The following LHFPL3 variants were observed in gnomAD, a reference collection of about 807,000 sequenced individuals.
LHFPL3 encodes LHFPL tetraspan subfamily member 3 protein.
In LHFPL3, 5 loss-of-function variants were observed where a neutral mutation model predicts 19.3. The ratio of observed to expected loss-of-function variants is 0.26; its 90% CI spans 0.14 to 0.54. The LOEUF (loss-of-function observed/expected upper bound fraction) is 0.54. LHFPL3 is among the 20% of genes least tolerant of loss of function. LHFPL3 has a pLI of 0.94. For missense variants in LHFPL3, 249 were observed against 307.4 expected (o/e 0.81, Z 1.42); for synonymous variants, 133 against 126.2 (o/e 1.05, Z -0.36).
chr7:104,356,788 T>G (rs374387286), intron 1 of LHFPL3, among the ~76,000 whole-genome samples: 2 of 151,972 alleles, frequency 1.3e-5, no homozygotes, highest in Non-Finnish European at 2.9e-5. Flanking sequence ...ACCCAGATAA[T>G]GAGAATCAAG....
chr7:104,696,220 G>C (rs1792993833), intron 1 of LHFPL3, among the ~76,000 whole-genome samples: 1 of 152,194 alleles, frequency 6.6e-6, no homozygotes, highest in African/African-American at 2.4e-5. Flanking sequence ...GGAGTGCTGG[G>C]TCTACAGGCG....
intron 1 of LHFPL3, among the ~76,000 whole-genome samples, chr7:104,714,874 T>G (rs6953599): frequency 0.41 from 62,340 of 151,962 alleles, 13,450 homozygotes; most frequent in East Asian, 0.7. Context: ...AGGGATGCGT[T>G]TGTGTGTGTG....
At chr7:104,612,126 A>C (rs1402873451) in intron 1 of LHFPL3, among the ~76,000 whole-genome samples, 1 of 152,202 alleles carries the variant, frequency 6.6e-6, no homozygotes, top group Non-Finnish European at 1.5e-5. Flanking sequence ...TAAGGGACAT[A>C]ATTACTTAAA....
intron 1 of LHFPL3, among the ~76,000 whole-genome samples, chr7:104,555,269 T>C (rs1472378141): frequency 6.6e-6 from 1 of 152,212 alleles, no homozygotes; most frequent in Non-Finnish European, 1.5e-5. Flanking sequence ...TTAATGGGAT[T>C]TGTACCCTTA....
At position 104,630,601 on chromosome 7, in the gene LHFPL3, C is replaced by T. The variant is rs140870406; in HGVS notation, c.446-106074C>T. ...TGTGATCCAAGGCAGGAGACAGCTC[C>T]ATTGTTTTGTTTTGCATTTTTTAGG... On this transcript the variant is annotated intron_variant, in intron 1 of 2. Transcript: ENST00000424859. 2.0e-5 allele frequency among the ~76,000 whole-genome samples: 3 copies of T among 152,176 alleles called. No homozygotes were observed. The East Asian group carries it at 5.8e-4, about 29-fold the overall frequency.
intron 2 of LHFPL3, among the ~76,000 whole-genome samples, chr7:104,868,247 G>A (rs1390476310): frequency 3.3e-5 from 5 of 151,932 alleles, no homozygotes; most frequent in Admixed American, 6.6e-5. Flanking sequence ...GGCAGGAGAA[G>A]GAAATAAAGG....
chr7:104,689,456 A>G (rs1045484557), intron 1 of LHFPL3, among the ~76,000 whole-genome samples: 1 of 152,206 alleles, frequency 6.6e-6, no homozygotes, highest in Non-Finnish European at 1.5e-5. Context: ...GAGTGGACAA[A>G]AGACTAATTT....
intron 1 of LHFPL3, among the ~76,000 whole-genome samples, chr7:104,563,614 CA>C (rs1408353926): frequency 8.7e-6 from 1 of 114,656 alleles, no homozygotes; most frequent in Non-Finnish European, 1.9e-5. Flanking sequence ...CCCGGTACCT[CA>C]GATGGAAATG....
At chr7:104,734,285 G>C (rs1793762029) in intron 1 of LHFPL3, among the ~76,000 whole-genome samples, 2 of 152,200 alleles carry the variant, frequency 1.3e-5, no homozygotes, top group Admixed American at 1.3e-4. Flanking sequence ...GGTTGGGGAA[G>C]TTCTCCTGGA....
chr7:104,449,278 C>T (rs1792385933), intron 1 of LHFPL3, among the ~76,000 whole-genome samples: 1 of 152,042 alleles, frequency 6.6e-6, no homozygotes, highest in Admixed American at 6.6e-5. Flanking sequence ...CTTTTTTTCC[C>T]TGAAGGACAA....
intron 1 of LHFPL3, among the ~76,000 whole-genome samples, chr7:104,655,105 AT>A: frequency 6.6e-6 from 1 of 152,294 alleles, no homozygotes; most frequent in Non-Finnish European, 1.5e-5. Context: ...TCTATCTGCT[AT>A]TAGCTCTGTA....
intron 1 of LHFPL3, among the ~76,000 whole-genome samples, chr7:104,692,235 G>T (rs1377509790): frequency 6.6e-6 from 1 of 152,200 alleles, no homozygotes; most frequent in Admixed American, 6.5e-5. Flanking sequence ...GAGCATAAAA[G>T]TTCAGAAAAT....
chr7:104,429,936 T>A (rs1791923260), intron 1 of LHFPL3, among the ~76,000 whole-genome samples: 1 of 152,134 alleles, frequency 6.6e-6, no homozygotes, highest in Non-Finnish European at 1.5e-5. Context: ...ATGTTTGGAC[T>A]CTTCTTGAAA....
chr7:104,509,637 T>A (rs1793771677), intron 1 of LHFPL3, among the ~76,000 whole-genome samples: 1 of 151,934 alleles, frequency 6.6e-6, no homozygotes, highest in African/African-American at 2.4e-5. Flanking sequence ...TTATACATAA[T>A]GGTAAAAAAT....
chr7:104,393,202 C>G (rs1791112811), intron 1 of LHFPL3, among the ~76,000 whole-genome samples: 1 of 152,142 alleles, frequency 6.6e-6, no homozygotes, highest in Non-Finnish European at 1.5e-5. Context: ...TTGGAAACCT[C>G]ATACCTTGCT....
chr7:104,573,496 G>T (rs1227933909), intron 1 of LHFPL3, among the ~76,000 whole-genome samples: 3 of 152,038 alleles, frequency 2.0e-5, no homozygotes, highest in Non-Finnish European at 4.4e-5. Flanking sequence ...AATGGTATAG[G>T]AATGAACTTA....
chr7:104,524,612 T>A (rs1275968942), intron 1 of LHFPL3, among the ~76,000 whole-genome samples: 1 of 152,196 alleles, frequency 6.6e-6, no homozygotes, highest in Non-Finnish European at 1.5e-5. Context: ...GGACTCCTGA[T>A]AGACTGACTC....
chr7:104,344,101 C>T (rs1025696439), intron 1 of LHFPL3, among the ~76,000 whole-genome samples: 5 of 151,918 alleles, frequency 3.3e-5, no homozygotes, highest in African/African-American at 1.2e-4. Context: ...GCAATTCCTG[C>T]ATCTATTGAA....
At chr7:104,728,713 T>A (rs1410067330) in intron 1 of LHFPL3, among the ~76,000 whole-genome samples, 1 of 152,220 alleles carries the variant, frequency 6.6e-6, no homozygotes, top group Non-Finnish European at 1.5e-5. Context: ...AACATACAAC[T>A]ATTTTATTTG....
Sources: allele counts gnomAD v4.1 joint callset (sites outside exome capture counted in the v4.1 genomes callset), GRCh38; gene constraint gnomAD v4.1.1; transcripts MANE v1.5; gene names NCBI Gene and HGNC (gene_info 2026-07-23, HGNC 2026-07-21).